The following SETBP1 variants were observed in gnomAD, a reference collection of about 807,000 sequenced individuals.
SETBP1 encodes SET-binding protein.
In SETBP1, 9 loss-of-function variants were observed where a neutral mutation model predicts 101.0. That is an observed-to-expected ratio of 0.09 (90% CI 0.05 to 0.16). The LOEUF is 0.16. SETBP1 is among the 10% of genes least tolerant of loss of function. SETBP1 has a pLI of 1.00. For synonymous variants in SETBP1, 818 were observed against 788.5 expected (o/e 1.04, Z -0.63); for missense variants, 1,858 against 2,033.8 (o/e 0.91, Z 1.66).
At chr18:45,030,324 C>T (rs1412552038) in intron 4 of SETBP1, among the ~76,000 whole-genome samples, 13 of 123,296 alleles carry the variant, frequency 1.1e-4, no homozygotes, top group African/African-American at 1.6e-4. Context: ...TATTGATTTG[C>T]GTATATTGAA....
At chr18:44,937,671 G>A (rs769608265) in intron 3 of SETBP1, among the ~76,000 whole-genome samples, 43 of 152,198 alleles carry the variant, frequency 2.8e-4, no homozygotes, top group Non-Finnish European at 4.7e-4. Flanking sequence ...GGAGAAGACC[G>A]GCACATCTCA....
At position 45,063,765 on chromosome 18, in the gene SETBP1, CG is replaced by C; in HGVS notation, c.*72del. ...ACGTGGGAAGCGCAGTGAGCCGGGG[CG>C]GGGGCGGAATCCCCCGCTGCAGGGA... is the stretch of plus-strand genomic sequence containing the variant. On this transcript the variant is annotated 3_prime_UTR_variant, in exon 6 of 6. Coordinates refer to ENST00000649279, the MANE Select transcript of SETBP1 (RefSeq NM_015559.3). The C allele has an allele frequency of 1.3e-6, 2 of 1,529,108 alleles. No individual in the cohort carries two copies. The highest frequency in any genetic ancestry group is 2.5e-5 in the East Asian group (1 of 39,598). The allele number at this position is 1,529,108 out of a possible 1,614,324, so 94.7% of individuals were successfully genotyped here.
Position 44,952,100 on chromosome 18 carries a change from G to C in SETBP1, c.2760G>C (p.Lys920Asn), listed in dbSNP as rs768569714. ...AGAACCGGCATGGCCACCGGCAAAA[G>C]CATCTCATTGTGGACAACTTTCTGG... ...STKNRHGHRQ[K>N]HLIVDNFLAH... The change falls in exon 4 of 6, where the codon AAG becomes AAC. Residue 920 changes from lysine to asparagine, a missense_variant. Transcript: ENST00000649279. 6.2e-7 allele frequency: 1 copy of C among 1,614,062 alleles called. No individual in the cohort carries two copies. The highest frequency in any genetic ancestry group is 8.5e-7 in the Non-Finnish European group (1 of 1,180,022).
At chr18:44,733,204 C>T (rs934160561) in intron 2 of SETBP1, 1 of 152,158 alleles carries the variant, frequency 6.6e-6, no homozygotes, top group African/African-American at 2.4e-5. Context: ...GCCAGCTCAT[C>T]TGAGCTACAC....
At chr18:44,815,237 C>A (rs552829226) in intron 2 of SETBP1, among the ~76,000 whole-genome samples, 60 of 152,304 alleles carry the variant, frequency 3.9e-4, no homozygotes, top group African/African-American at 1.4e-3. Flanking sequence ...TGAACTCTTT[C>A]GATGAGGAAA....
intron 4 of SETBP1, among the ~76,000 whole-genome samples, chr18:44,969,381 C>A (rs556765116): frequency 5.9e-5 from 9 of 152,296 alleles, no homozygotes; most frequent in Admixed American, 4.6e-4. Context: ...TATGTCTAAT[C>A]TTTAGGAACG....
intron 3 of SETBP1, among the ~76,000 whole-genome samples, chr18:44,902,461 G>A (rs2070073059): frequency 7.1e-6 from 1 of 140,358 alleles, no homozygotes; most frequent in African/African-American, 2.6e-5. Flanking sequence ...GCTAGTGCAA[G>A]AGAGAGGTGG....
intron 3 of SETBP1, among the ~76,000 whole-genome samples, chr18:44,922,910 A>G (rs918173104): frequency 1.3e-5 from 2 of 152,194 alleles, no homozygotes. Context: ...TGTATCCTCC[A>G]AGGGATGAGA....
rs2072103689 is a variant in SETBP1 at position 44,981,077 on chromosome 18, A to C, written c.4000+27737A>C. On this transcript the variant is annotated intron_variant, in intron 4 of 5. Transcript: ENST00000649279. The stretch of plus-strand genomic sequence containing the variant: ...CTCAGGCCTTATCTCAGACCTATTA[A>C]ATGAGAACCTCTGAAGCAGGAGAAC... Among the ~76,000 whole-genome samples the C allele has an allele frequency of 2.6e-5, 4 of 152,310 alleles. No individual in the cohort carries two copies. In the South Asian group the frequency reaches 8.3e-4, roughly 32 times the overall value.
chr18:44,854,428 C>T (rs1320245856), intron 2 of SETBP1, among the ~76,000 whole-genome samples: 2 of 152,148 alleles, frequency 1.3e-5, no homozygotes, highest in Non-Finnish European at 2.9e-5. Flanking sequence ...TTCTCCTTCC[C>T]TAAGACATCC....
At position 45,055,369 on chromosome 18, in the gene SETBP1, C is replaced by T. The variant is rs2073791513; in HGVS notation, c.4172-7710C>T. ...GTGCCCTCTTTTTCTTAAATACAAACTTTAACAGGATGAGATAAACTTGAA... is the reference window on the plus strand; with the variant it reads ...GTGCCCTCTTTTTCTTAAATACAAATTTTAACAGGATGAGATAAACTTGAA... On this transcript the variant is annotated intron_variant, in intron 5 of 5. Coordinates refer to ENST00000649279, the MANE Select transcript of SETBP1 (RefSeq NM_015559.3). 2.6e-5 allele frequency among the ~76,000 whole-genome samples: 4 copies of T among 152,084 alleles called. 1 individual carries two copies. Among genetic ancestry groups the T allele is most frequent in the African/African-American group, 9.7e-5 (4 of 41,404 alleles).
Position 44,952,712 on chromosome 18 carries a change from C to T in SETBP1, c.3372C>T (p.Gly1124=), listed in dbSNP as rs755447450. The change falls in exon 4 of 6, where the codon GGC becomes GGT. Residue 1124 remains glycine (G), a synonymous_variant. Transcript: ENST00000649279. ...GVHLQGPVSM[G]LGDMQPSLNP... ...ACCTGCAGGGACCTGTTAGCATGGG[C>T]CTTGGTGACATGCAGCCTTCTCTGA... 1.9e-5 allele frequency: 30 copies of T among 1,613,984 alleles called. No individual in the cohort carries two copies. Among genetic ancestry groups the T allele is most frequent in the East Asian group, 1.6e-4 (7 of 44,880 alleles).
At chr18:44,776,717 A>G (rs117918494) in intron 2 of SETBP1, among the ~76,000 whole-genome samples, 2 of 152,372 alleles carry the variant, frequency 1.3e-5, no homozygotes, top group South Asian at 2.1e-4. Flanking sequence ...ACCTTAAATA[A>G]TAATGCCCCA....
intron 3 of SETBP1, among the ~76,000 whole-genome samples, chr18:44,947,635 T>C (rs2071239698): frequency 6.6e-6 from 1 of 151,944 alleles, no homozygotes; most frequent in Admixed American, 6.6e-5. Flanking sequence ...GCCTCCCAAG[T>C]AGCTGGGATT....
intron 2 of SETBP1, among the ~76,000 whole-genome samples, chr18:44,704,754 T>C (rs1284346721): frequency 6.6e-6 from 1 of 152,260 alleles, no homozygotes; most frequent in Non-Finnish European, 1.5e-5. Flanking sequence ...CAGAATTTAC[T>C]TATTTGTATG....
intron 3 of SETBP1, among the ~76,000 whole-genome samples, chr18:44,922,358 C>A (rs938272817): frequency 2.0e-5 from 3 of 152,238 alleles, no homozygotes; most frequent in African/African-American, 7.2e-5. Context: ...AGAACAAGAA[C>A]TTGCACCTGC....
chr18:45,048,699 G>C (rs565911089), intron 5 of SETBP1, among the ~76,000 whole-genome samples: 1 of 151,944 alleles, frequency 6.6e-6, no homozygotes, highest in Non-Finnish European at 1.5e-5. Flanking sequence ...AGGGCCGGGC[G>C]CGGTGGCTCA....
At chr18:44,797,928 A>T (rs1054241966) in intron 2 of SETBP1, among the ~76,000 whole-genome samples, 3 of 152,206 alleles carry the variant, frequency 2.0e-5, no homozygotes, top group African/African-American at 7.2e-5. Context: ...CCAGGTTGTC[A>T]TAGAGCTTGG....
intron 2 of SETBP1, among the ~76,000 whole-genome samples, chr18:44,772,118 C>A (rs1482921502): frequency 6.6e-6 from 1 of 152,118 alleles, no homozygotes; most frequent in African/African-American, 2.4e-5. Flanking sequence ...CCCCAGCCTC[C>A]CCACCTCCTG....
Sources: allele counts gnomAD v4.1 joint callset (sites outside exome capture counted in the v4.1 genomes callset), GRCh38; gene constraint gnomAD v4.1.1; transcripts MANE v1.5; gene names NCBI Gene and HGNC (gene_info 2026-07-23, HGNC 2026-07-21).